Variants in PTCD2 observed in about 807,000 individuals in gnomAD.
PTCD2 encodes pentatricopeptide repeat-containing protein 2, mitochondrial.
Under a neutral mutation model 42.6 loss-of-function variants are expected in PTCD2, and 31 were observed. The observed-to-expected ratio is 0.73, with a 90% CI of 0.55 to 0.98. The LOEUF is 0.98. PTCD2 is among the 50% of genes least tolerant of loss of function. PTCD2 has a pLI of 0.00. For synonymous variants in PTCD2, 183 were observed against 170.9 expected (o/e 1.07, Z -0.55); for missense variants, 476 against 454.8 (o/e 1.05, Z -0.42).
At chr5:72,329,280 C>T (rs892105167) in intron 3 of PTCD2, among the ~76,000 whole-genome samples, 1 of 152,220 alleles carries the variant, frequency 6.6e-6, no homozygotes, top group African/African-American at 2.4e-5. Context: ...CAAGGCTCCA[C>T]CAACATGTTC....
At chr5:72,353,971 A>G (rs1388305890) in intron 9 of PTCD2, among the ~76,000 whole-genome samples, 2 of 152,216 alleles carry the variant, frequency 1.3e-5, no homozygotes, top group Admixed American at 6.5e-5. Flanking sequence ...CCAAATCAGT[A>G]AAAGAAGTGA....
chr5:72,338,516 C>T (rs1369016143), intron 6 of PTCD2, 106 bp from the exon 7 acceptor site: 4 of 488,104 alleles, frequency 8.2e-6, no homozygotes, highest in Non-Finnish European at 1.4e-5. Flanking sequence ...TTGAGGGAGG[C>T]TCTAGGAAAT....
intron 9 of PTCD2, among the ~76,000 whole-genome samples, chr5:72,357,014 C>G (rs1490306485): frequency 6.6e-6 from 1 of 152,194 alleles, no homozygotes; most frequent in South Asian, 2.1e-4. Flanking sequence ...CAGAAAGCAG[C>G]TTCACATTCT....
intron 9 of PTCD2, among the ~76,000 whole-genome samples, chr5:72,355,579 A>G (rs1031180228): frequency 2.0e-5 from 3 of 152,216 alleles, no homozygotes; most frequent in African/African-American, 7.2e-5. Flanking sequence ...AATGAAGAGA[A>G]AAAACAGTTC....
rs557433252 is a variant in PTCD2, at chr5:72,338,354, CAT to C, written c.640-267_640-266del. Among the ~76,000 whole-genome samples, 161 of 152,124 alleles carry C rather than the reference CAT, an allele frequency of 1.1e-3. No homozygotes were observed. In the Middle Eastern group the frequency reaches 0.014, roughly 13 times the overall value. On this transcript the variant is annotated intron_variant, in intron 6 of 9. Coordinates refer to ENST00000380639, the MANE Select transcript of PTCD2 (RefSeq NM_024754.5). Reference sequence around the variant, plus strand: ...AAACTAGCCTGCCCAGATACAAAGACATGTGTATGTTTTCTGGTTAAAACTGC... The same window carrying C: ...AAACTAGCCTGCCCAGATACAAAGACGTGTATGTTTTCTGGTTAAAACTGC...
At position 72,363,467 on chromosome 5, in the gene PTCD2, G is replaced by A. The variant is rs142220917; in HGVS notation, c.*5040G>A. The stretch of plus-strand genomic sequence containing the variant: ...GCTTGTGTGTCTTGTGTGTCTATGT[G>A]GACAGGAGTTGTGGGCTTCAGATTC... On this transcript the variant is annotated 3_prime_UTR_variant, in exon 10 of 10. Transcript: ENST00000380639. 12 of 152,360 alleles carry A rather than the reference G, an allele frequency of 7.9e-5. No homozygotes were observed. Among genetic ancestry groups the A allele is most frequent in the African/African-American group, 1.4e-4 (6 of 41,570 alleles). The allele number at this position is 152,360 out of a possible 1,614,324, so 9.4% of individuals were successfully genotyped here. A position where few individuals can be genotyped will look rare whatever the true frequency, so the allele number is the denominator to read the frequency against.
intron 8 of PTCD2, among the ~76,000 whole-genome samples, chr5:72,345,361 A>G: frequency 6.6e-6 from 1 of 152,234 alleles, no homozygotes; most frequent in East Asian, 1.9e-4. Context: ...CAAGGTGCCC[A>G]CATTTCATAT....
intron 9 of PTCD2, among the ~76,000 whole-genome samples, chr5:72,356,923 A>T (rs1752902025): frequency 1.3e-5 from 2 of 152,204 alleles, no homozygotes; most frequent in African/African-American, 4.8e-5. Flanking sequence ...AGGAAGCTTG[A>T]TCCCAATTAA....
chr5:72,349,769 T>C (rs1019389386), intron 8 of PTCD2, among the ~76,000 whole-genome samples: 6 of 152,236 alleles, frequency 3.9e-5, no homozygotes, highest in African/African-American at 1.4e-4. Context: ...TTTCTTTAGC[T>C]GAACCCTGAG....
At chr5:72,345,184 C>G (rs947353224) in intron 8 of PTCD2, among the ~76,000 whole-genome samples, 2 of 152,180 alleles carry the variant, frequency 1.3e-5, no homozygotes, top group Non-Finnish European at 2.9e-5. Flanking sequence ...GGGATGCATT[C>G]TCTTTCTCAG....
chr5:72,341,579 A>G (rs1029886344), intron 7 of PTCD2, among the ~76,000 whole-genome samples: 4 of 152,058 alleles, frequency 2.6e-5, no homozygotes, highest in African/African-American at 9.7e-5. Flanking sequence ...CAAAAAATAA[A>G]TAAATAAATA....
intron 7 of PTCD2, 67 bp from the exon 8 acceptor site, chr5:72,342,895 T>C: frequency 2.0e-6 from 2 of 981,914 alleles, no homozygotes; most frequent in Non-Finnish European, 3.1e-6. Context: ...CTGCCCTCTC[T>C]AAGTGATCTT....
At chr5:72,335,743 G>T (rs770830262) in intron 5 of PTCD2, 51 bp from the exon 6 acceptor site, 2 of 1,195,740 alleles carry the variant, frequency 1.7e-6, no homozygotes, top group Admixed American at 1.7e-5. Context: ...AGCTTTGGGG[G>T]CCAACAGTAG....
chr5:72,354,639 G>A (rs565209341), intron 9 of PTCD2, among the ~76,000 whole-genome samples: 2 of 152,126 alleles, frequency 1.3e-5, no homozygotes, highest in Non-Finnish European at 2.9e-5. Context: ...GGAAATGGGC[G>A]CTATCATCTG....
intron 9 of PTCD2, among the ~76,000 whole-genome samples, chr5:72,353,857 A>G (rs2112228117): frequency 6.6e-6 from 1 of 152,362 alleles, no homozygotes; most frequent in Admixed American, 6.5e-5. Context: ...TTTCAAATGG[A>G]TGAGAATTTA....
chr5:72,322,386 A>C, intron 2 of PTCD2, 122 bp downstream of exon 2: 1 of 678,364 alleles, frequency 1.5e-6, no homozygotes, highest in Non-Finnish European at 2.7e-6. Flanking sequence ...GAGACCATTT[A>C]TTGTTAGTTT....
intron 7 of PTCD2, among the ~76,000 whole-genome samples, chr5:72,340,478 G>A (rs1398872980): frequency 6.6e-6 from 1 of 152,048 alleles, no homozygotes; most frequent in South Asian, 2.1e-4. Flanking sequence ...TCTTTCATTA[G>A]TATTAACATT....
At chr5:72,354,408 AG>A (rs1752773874) in intron 9 of PTCD2, among the ~76,000 whole-genome samples, 1 of 149,936 alleles carries the variant, frequency 6.7e-6, no homozygotes, top group Non-Finnish European at 1.5e-5. Flanking sequence ...AAAAAAAAAA[AG>A]CTCTTTTTGA....
intron 7 of PTCD2, among the ~76,000 whole-genome samples, chr5:72,339,229 A>G (rs1360471970): frequency 1.3e-5 from 2 of 152,192 alleles, no homozygotes; most frequent in African/African-American, 4.8e-5. Flanking sequence ...CCCAGACATA[A>G]GAGGGGACCT....
Sources: allele counts gnomAD v4.1 joint callset (sites outside exome capture counted in the v4.1 genomes callset), GRCh38; gene constraint gnomAD v4.1.1; transcripts MANE v1.5; gene names NCBI Gene and HGNC (gene_info 2026-07-23, HGNC 2026-07-21).